LYZL1: variants seen among roughly 807,000 people sequenced by gnomAD.
LYZL1 encodes the protein lysozyme like 1.
LYZL1 carries 16 observed loss-of-function variants against 17.9 expected under a neutral mutation model. The observed-to-expected ratio is 0.90, with a 90% confidence interval of 0.61 to 1.36. The LOEUF is 1.36. LYZL1 is among the 40% of genes most tolerant of loss of function. The pLI is 0.00. For synonymous variants in LYZL1, 58 were observed against 71.8 expected, an observed-to-expected ratio of 0.81 and a Z score of 0.97; for missense variants, 149 against 188.4, an observed-to-expected ratio of 0.79 and a Z score of 1.22.
rs1232846702 is a variant in LYZL1 at position 29,292,111 on chromosome 10, C to G, written c.139+105C>G. The G allele has an allele frequency of 3.5e-6, 5 of 1,442,122 alleles. No individual in the cohort carries two copies. In the Admixed American group the frequency reaches 8.3e-5, roughly 24 times the overall value. The allele number at this position is 1,442,122 out of a possible 1,614,324, so 89.3% of individuals were successfully genotyped here. ...CTGTGTCTTCCCAACTACCCCTGCT[C>G]TGCCCTCACCGCACTCAGGGGTGGC... On this transcript the variant is annotated intron_variant, in intron 2 of 4. Transcript: ENST00000649382.
At chr10:29,317,202 T>C (rs914938644) in intron 3 of LYZL1, 3 of 152,336 alleles carry the variant, frequency 2.0e-5, no homozygotes, top group Non-Finnish European at 4.4e-5. Context: ...TCCCCTATGG[T>C]TGGATATTGA....
intron 3 of LYZL1, among the ~76,000 whole-genome samples, chr10:29,303,595 T>C (rs1256646772): frequency 6.6e-6 from 1 of 152,176 alleles, no homozygotes; most frequent in African/African-American, 2.4e-5. Flanking sequence ...CAATCTTAGA[T>C]TCTAAGAAAT....
chr10:29,296,178 A>G (rs1250444140), intron 3 of LYZL1, among the ~76,000 whole-genome samples: 1 of 152,188 alleles, frequency 6.6e-6, no homozygotes, highest in African/African-American at 2.4e-5. Context: ...GGATTCGAGA[A>G]TCAATAAGAT....
chr10:29,314,713 T>G (rs1218101973), downstream of LYZL1, among the ~76,000 whole-genome samples: 2 of 152,212 alleles, frequency 1.3e-5, no homozygotes, highest in Non-Finnish European at 2.9e-5. Flanking sequence ...ATCTAGAACA[T>G]TTTTGTTTTC....
At chr10:29,312,514 A>G (rs1835685758), downstream of LYZL1, among the ~76,000 whole-genome samples, 1 of 152,144 alleles carries the variant, frequency 6.6e-6, no homozygotes, top group Non-Finnish European at 1.5e-5. Flanking sequence ...AATTAAATCT[A>G]TCCAATTCAA....
Position 29,291,967 on chromosome 10 carries a change from G to A in LYZL1, c.100G>A (p.Ala34Thr). The A allele has an allele frequency of 6.4e-7, 1 of 1,573,002 alleles. No individual in the cohort carries two copies. ...RCKLAKIFSR[A>T]GLDNYWGFSL... ...CAAACTGGCAAAAATATTCTCGAGG[G>A]CTGGCCTGGACAATTACTGGGGCTT... Residue 34 changes from alanine to threonine, a missense_variant, in exon 2 of 5, where the codon GCT becomes ACT. This residue lies in a region of LYZL1 where 19 missense variants were observed against 55.9 expected (regional missense o/e 0.34). Coordinates refer to ENST00000649382, the MANE Select transcript of LYZL1 (RefSeq NM_032517.6).
rs1030422068 is a variant in LYZL1 at position 29,308,020 on chromosome 10, AAAAAC to A, written c.299-2069_299-2065del. ...ACCCAATTCTCTAAAAATCAAAAAC[AAAAAC>A]AAAACAAAACAAAACAAAACCTTTG... On this transcript the variant is annotated intron_variant, in intron 3 of 4. Transcript: ENST00000649382. Among the ~76,000 whole-genome samples the A allele has an allele frequency of 2.1e-4, 32 of 152,320 alleles. 1 individual carries two copies. Among genetic ancestry groups the A allele is most frequent in the East Asian group, 1.9e-3 (10 of 5,184 alleles).
chr10:29,307,139 C>T (rs1484414419), intron 3 of LYZL1, among the ~76,000 whole-genome samples: 6 of 152,148 alleles, frequency 3.9e-5, no homozygotes, highest in Admixed American at 2.6e-4. Context: ...CAGACATGAG[C>T]TACTGTGCCC....
chr10:29,292,380 C>T (rs1751955), intron 2 of LYZL1, 139 bp from the exon 3 acceptor site: 701,454 of 1,319,304 alleles, frequency 0.53, 188,195 homozygotes, highest in Non-Finnish European at 0.55. Context: ...GCCCCCTGGG[C>T]GCATGCCCGC....
chr10:29,317,857 G>A (rs982520325), intron 4 of LYZL1, among the ~76,000 whole-genome samples: 4 of 151,780 alleles, frequency 2.6e-5, no homozygotes, highest in Non-Finnish European at 4.4e-5. Flanking sequence ...GGTGGGAGGA[G>A]CGATTGAGCC....
intron 4 of LYZL1, among the ~76,000 whole-genome samples, chr10:29,317,783 T>C (rs2132845891): frequency 6.6e-6 from 1 of 152,188 alleles, no homozygotes; most frequent in South Asian, 2.1e-4. Flanking sequence ...GTAATAAACA[T>C]TAGTGATTAA....
At position 29,292,583 on chromosome 10, in the gene LYZL1, C is replaced by A. The variant is rs749756280; in HGVS notation, c.204C>A (p.Gly68=). Residue 68 remains glycine (G), a synonymous_variant, in exon 3 of 5, where the codon GGC becomes GGA. Coordinates refer to ENST00000649382, the MANE Select transcript of LYZL1 (RefSeq NM_032517.6). ...CAGCCCAGACGGTCCTGGATGACGG[C>A]AGCATCGACTATGGCATCTTCCAGA... ...NTTAQTVLDD[G]SIDYGIFQIN... is the part of the protein sequence containing the mutation. 1 of 1,614,258 alleles carries A rather than the reference C, an allele frequency of 6.2e-7. No individual in the cohort carries two copies. The highest frequency in any genetic ancestry group is 8.5e-7 in the Non-Finnish European group (1 of 1,180,050).
intron 3 of LYZL1, among the ~76,000 whole-genome samples, chr10:29,308,993 G>A (rs1258890014): frequency 6.6e-6 from 1 of 150,754 alleles, no homozygotes; most frequent in African/African-American, 2.4e-5. Flanking sequence ...TAAAGATAGA[G>A]ATAGACGTAT....
chr10:29,314,738 T>A (rs920330908), downstream of LYZL1, among the ~76,000 whole-genome samples: 1 of 152,216 alleles, frequency 6.6e-6, no homozygotes, highest in African/African-American at 2.4e-5. Flanking sequence ...CAAGTTCATG[T>A]TTATTATTTC....
chr10:29,305,023 T>C (rs577800548), intron 3 of LYZL1, among the ~76,000 whole-genome samples: 1 of 152,300 alleles, frequency 6.6e-6, no homozygotes, highest in South Asian at 2.1e-4. Flanking sequence ...GTGCTCTTTC[T>C]GTACATGCCT....
At chr10:29,314,052 A>T (rs1028499710), downstream of LYZL1, among the ~76,000 whole-genome samples, 3 of 152,036 alleles carry the variant, frequency 2.0e-5, no homozygotes, top group Non-Finnish European at 4.4e-5. Flanking sequence ...TTTTCCCTTG[A>T]TGCCTTTTAT....
downstream of LYZL1, among the ~76,000 whole-genome samples, chr10:29,313,037 C>T (rs1564395001): frequency 6.6e-6 from 1 of 152,186 alleles, no homozygotes; most frequent in Non-Finnish European, 1.5e-5. Flanking sequence ...CAGGCCTCAA[C>T]TGATGGCTCC....
chr10:29,291,185 C>T (rs1835360016), intron 1 of LYZL1, among the ~76,000 whole-genome samples: 1 of 152,112 alleles, frequency 6.6e-6, no homozygotes, highest in East Asian at 1.9e-4. Context: ...ACATAAATAG[C>T]CAATAAACAC....
At chr10:29,296,265 G>T (rs907497903) in intron 3 of LYZL1, among the ~76,000 whole-genome samples, 2 of 152,216 alleles carry the variant, frequency 1.3e-5, no homozygotes, top group African/African-American at 4.8e-5. Flanking sequence ...GAAAGCAGGA[G>T]GCAAGTGGTG....
Sources: gnomAD v4.1 joint callset for allele counts (sites outside exome capture counted in the v4.1 genomes callset) on GRCh38, gnomAD v4.1.1 for gene constraint, gnomAD v4.1.1 regional missense constraint, MANE v1.5 for transcripts, NCBI Gene and HGNC (gene_info 2026-07-23, HGNC 2026-07-21) for gene names.